Variants in KCNMA1 observed in about 807,000 individuals in gnomAD.
The protein encoded by KCNMA1 is potassium calcium-activated channel subfamily M alpha 1.
A neutral mutation model predicts 140.0 loss-of-function variants in KCNMA1; 29 were observed. The observed-to-expected ratio is 0.21, with a 90% CI of 0.15 to 0.28. The LOEUF is 0.28. KCNMA1 is among the 10% of genes least tolerant of loss of function. The probability of loss-of-function intolerance (pLI) is 1.00; values close to 1 mark genes in which losing one functional copy is unlikely to be tolerated. For synonymous variants in KCNMA1, 612 were observed against 611.9 expected, an observed-to-expected ratio of 1.00 and a Z score of 0.00; for missense variants, 880 against 1,602.2, an observed-to-expected ratio of 0.55 and a Z score of 7.70.
intron 18 of KCNMA1, among the ~76,000 whole-genome samples, chr10:77,010,344 TGGTGAA>T (rs1214760140): frequency 6.6e-6 from 1 of 152,040 alleles, no homozygotes; most frequent in African/African-American, 2.4e-5. Context: ...ATGGACTGCC[TGGTGAA>T]GAAGGTCTTT....
chr10:76,943,235 AAGCTC>A (rs1394733995), intron 23 of KCNMA1, among the ~76,000 whole-genome samples: 1 of 152,216 alleles, frequency 6.6e-6, no homozygotes, highest in Non-Finnish European at 1.5e-5. Flanking sequence ...AGCTGGGAGT[AAGCTC>A]AGAGCCTCTC....
At chr10:77,345,873 A>T (rs571849811) in intron 2 of KCNMA1, among the ~76,000 whole-genome samples, 14 of 152,236 alleles carry the variant, frequency 9.2e-5, no homozygotes, top group African/African-American at 1.4e-4. Context: ...TGAATGAGGG[A>T]TCCCCATTCT....
At chr10:77,009,093 G>A (rs749998356) in intron 18 of KCNMA1, among the ~76,000 whole-genome samples, 3 of 152,126 alleles carry the variant, frequency 2.0e-5, no homozygotes, top group African/African-American at 4.8e-5. Flanking sequence ...CATAGCCAAA[G>A]GCCTTTGTGA....
At chr10:77,017,551 T>G (rs564697037) in intron 17 of KCNMA1, among the ~76,000 whole-genome samples, 5 of 152,184 alleles carry the variant, frequency 3.3e-5, no homozygotes, top group Non-Finnish European at 7.3e-5. Flanking sequence ...AAATTTAAGT[T>G]ATTAGAGCAC....
intron 15 of KCNMA1, among the ~76,000 whole-genome samples, chr10:77,035,213 C>T (rs891204327): frequency 3.9e-5 from 6 of 152,296 alleles, no homozygotes; most frequent in Non-Finnish European, 5.9e-5. Context: ...TACCAGGTGG[C>T]GCAGCCTCCA....
chr10:76,956,167 G>A (rs758711648), intron 20 of KCNMA1, among the ~76,000 whole-genome samples: 13 of 152,294 alleles, frequency 8.5e-5, no homozygotes, highest in Admixed American at 2.0e-4. Context: ...GGAGTCAGAC[G>A]TTGTTAACAG....
intron 1 of KCNMA1, among the ~76,000 whole-genome samples, chr10:77,611,690 T>G (rs1019323589): frequency 6.6e-6 from 1 of 152,164 alleles, no homozygotes; most frequent in African/African-American, 2.4e-5. Context: ...CACCCAGATG[T>G]CTAGATACAG....
intron 20 of KCNMA1, among the ~76,000 whole-genome samples, chr10:76,964,048 CT>C (rs2072852496): frequency 6.6e-6 from 1 of 151,982 alleles, no homozygotes; most frequent in Admixed American, 6.6e-5. Flanking sequence ...CTTCCTGAGG[CT>C]TTGCAGAGCA....
chr10:77,614,376 G>A (rs953349737), intron 1 of KCNMA1, among the ~76,000 whole-genome samples: 15 of 152,142 alleles, frequency 9.9e-5, no homozygotes, highest in African/African-American at 3.6e-4. Context: ...AGACCAGAGT[G>A]TGCCAAATCC....
chr10:77,018,355 T>A (rs1231221146), intron 17 of KCNMA1, among the ~76,000 whole-genome samples: 1 of 152,214 alleles, frequency 6.6e-6, no homozygotes, highest in South Asian at 2.1e-4. Flanking sequence ...TCCAAGTTCA[T>A]AAGATAGAAT....
chr10:76,906,631 G>A (rs994973823), intron 25 of KCNMA1, among the ~76,000 whole-genome samples: 2 of 152,214 alleles, frequency 1.3e-5, no homozygotes, highest in South Asian at 2.1e-4. Context: ...AGATTTGTGT[G>A]TGGATGTTGT....
At chr10:76,988,931 T>C (rs759387235) in intron 19 of KCNMA1, among the ~76,000 whole-genome samples, 8 of 152,202 alleles carry the variant, frequency 5.3e-5, no homozygotes, top group Non-Finnish European at 1.2e-4. Flanking sequence ...ATATGCTTCC[T>C]GCTACACGAT....
At chr10:77,228,362 G>A (rs2052309522) in intron 3 of KCNMA1, among the ~76,000 whole-genome samples, 2 of 152,110 alleles carry the variant, frequency 1.3e-5, no homozygotes, top group South Asian at 4.1e-4. Flanking sequence ...AAGTCCCCAG[G>A]AGATCACTGG....
chr10:77,247,755 A>G (rs1275618570), intron 3 of KCNMA1, among the ~76,000 whole-genome samples: 2 of 152,162 alleles, frequency 1.3e-5, no homozygotes, highest in Non-Finnish European at 2.9e-5. Context: ...TTAAGGCACT[A>G]ACATGATGTC....
intron 1 of KCNMA1, among the ~76,000 whole-genome samples, chr10:77,630,962 C>G (rs1384544656): frequency 6.6e-6 from 1 of 151,744 alleles, no homozygotes; most frequent in Admixed American, 6.6e-5. Context: ...AAAACCTAGC[C>G]AGGTGTGGTG....
At chr10:77,534,637 A>G (rs969573358) in intron 1 of KCNMA1, among the ~76,000 whole-genome samples, 10 of 152,236 alleles carry the variant, frequency 6.6e-5, no homozygotes, top group African/African-American at 2.4e-4. Flanking sequence ...AGGTCTATCT[A>G]TACAATAGGC....
At chr10:76,920,020 GTA>G (rs1169838049) in intron 23 of KCNMA1, among the ~76,000 whole-genome samples, 848 of 34,390 alleles carry the variant, frequency 0.025, 19 homozygotes, top group Middle Eastern at 0.042. Flanking sequence ...GTGTGTGTGT[GTA>G]TATATATATA....
At chr10:77,328,121 A>G (rs1402812509) in intron 2 of KCNMA1, among the ~76,000 whole-genome samples, 1 of 152,156 alleles carries the variant, frequency 6.6e-6, no homozygotes, top group Non-Finnish European at 1.5e-5. Context: ...CATTTTCTTC[A>G]TCTAAAACTA....
At chr10:77,401,919 C>T (rs1018390519) in intron 2 of KCNMA1, among the ~76,000 whole-genome samples, 10 of 152,140 alleles carry the variant, frequency 6.6e-5, no homozygotes, top group Non-Finnish European at 1.2e-4. Flanking sequence ...CAATAACTTC[C>T]GCATATGGTG....
Sources: gnomAD v4.1 joint callset for allele counts (sites outside exome capture counted in the v4.1 genomes callset) on GRCh38, gnomAD v4.1.1 for gene constraint, MANE v1.5 for transcripts, NCBI Gene and HGNC (gene_info 2026-07-23, HGNC 2026-07-21) for gene names.